NME9: variants seen among roughly 807,000 people sequenced by gnomAD.
The protein encoded by NME9 is NME/NM23 family member 9, also known as thioredoxin domain-containing protein 6.
Under a neutral mutation model 44.4 loss-of-function variants are expected in NME9, and 48 were observed. That is an observed-to-expected ratio of 1.08 (90% CI 0.86 to 1.37). The LOEUF (loss-of-function observed/expected upper bound fraction) is 1.37, where lower values mean the gene tolerates loss of function less well. Among genes scored for constraint, NME9 ranks in the 40% most tolerant of loss-of-function variants. The probability of loss-of-function intolerance (pLI) is 0.00; values close to 1 mark genes in which losing one functional copy is unlikely to be tolerated. For synonymous variants in NME9, 139 were observed against 147.1 expected, an observed-to-expected ratio of 0.94 and a Z score of 0.40; for missense variants, 325 against 405.2, an observed-to-expected ratio of 0.80 and a Z score of 1.70.
chr3:138,305,230 G>A (rs2052158267), intron 8 of NME9, among the ~76,000 whole-genome samples: 1 of 152,144 alleles, frequency 6.6e-6, no homozygotes, highest in African/African-American at 2.4e-5. Context: ...GGGATGGGTG[G>A]TAGTGATGAC....
intron 8 of NME9, among the ~76,000 whole-genome samples, chr3:138,286,598 G>A (rs1018570652): frequency 3.9e-5 from 6 of 152,056 alleles, no homozygotes; most frequent in South Asian, 2.1e-4. Flanking sequence ...ATAGGACCTC[G>A]TAGGGAGCTT....
At chr3:138,322,381 T>A (rs1387198162) in intron 2 of NME9, among the ~76,000 whole-genome samples, 4 of 9,740 alleles carry the variant, frequency 4.1e-4, no homozygotes, top group South Asian at 3.7e-3. Context: ...GGGTGGGGGG[T>A]AGGGGGTGGG....
At chr3:138,316,569 T>A (rs2053095961) in intron 4 of NME9, among the ~76,000 whole-genome samples, 1 of 152,216 alleles carries the variant, frequency 6.6e-6, no homozygotes, top group Non-Finnish European at 1.5e-5. Context: ...GTATTTGGGA[T>A]GAACCTGAGT....
rs1049558946 is a variant in NME9, at chr3:138,305,919, T to C, written c.636+85A>G. ...TTTTGGTTCTTCATAATTTCTTCTGTCACAAACTGATATCAATCTATAAGC... is the reference window on the plus strand; with the variant it reads ...TTTTGGTTCTTCATAATTTCTTCTGCCACAAACTGATATCAATCTATAAGC... On this transcript the variant is annotated intron_variant, in intron 8 of 10. Coordinates refer to ENST00000333911, the MANE Select transcript of NME9 (RefSeq NM_001349018.2). 16 of 932,644 alleles carry C rather than the reference T, an allele frequency of 1.7e-5. No individual in the cohort carries two copies. In the South Asian group the frequency reaches 2.2e-4, roughly 13 times the overall value. The allele number at this position is 932,644 out of a possible 1,614,324, so 57.8% of individuals were successfully genotyped here.
intron 8 of NME9, among the ~76,000 whole-genome samples, chr3:138,283,404 C>T (rs1477372516): frequency 6.6e-6 from 1 of 152,224 alleles, no homozygotes; most frequent in Non-Finnish European, 1.5e-5. Flanking sequence ...TGTGTCACTT[C>T]CTCCGGGAAG....
At chr3:138,327,639 C>A (rs909549214) in intron 1 of NME9, among the ~76,000 whole-genome samples, 4 of 152,112 alleles carry the variant, frequency 2.6e-5, no homozygotes, top group Non-Finnish European at 1.5e-5. Context: ...CCTGAATAAC[C>A]TTGCTGAGAG....
downstream of NME9, chr3:138,297,624 CA>C (rs1184814843): frequency 1.3e-5 from 2 of 152,130 alleles, no homozygotes; most frequent in Non-Finnish European, 2.9e-5. Context: ...CATGACCACC[CA>C]AGATTCAAAC....
intron 8 of NME9, among the ~76,000 whole-genome samples, chr3:138,269,532 GT>G (rs1416878334): frequency 3.9e-5 from 6 of 152,174 alleles, no homozygotes; most frequent in Non-Finnish European, 8.8e-5. Context: ...TCTGCAGCAT[GT>G]TTGGAATAAG....
intron 8 of NME9, among the ~76,000 whole-genome samples, chr3:138,289,451 A>G (rs1410818636): frequency 6.6e-6 from 1 of 152,204 alleles, no homozygotes; most frequent in Non-Finnish European, 1.5e-5. Flanking sequence ...GGGTGGGAGG[A>G]TGAGCCTTTC....
intron 3 of NME9, 64 bp downstream of exon 3, chr3:138,319,414 C>T (rs2053317169): frequency 1.0e-6 from 1 of 955,512 alleles, no homozygotes; most frequent in South Asian, 1.4e-5. Context: ...TCCTTCCTGA[C>T]TCTTTTAAAT....
chr3:138,288,635 C>CTTT (rs547726493), intron 8 of NME9, among the ~76,000 whole-genome samples: 20 of 109,680 alleles, frequency 1.8e-4, no homozygotes, highest in East Asian at 9.1e-4. Context: ...CTTCTTCAGA[C>CTTT]TTTTTTTTTT....
At chr3:138,280,743 C>T (rs1251066751) in intron 8 of NME9, among the ~76,000 whole-genome samples, 1 of 152,108 alleles carries the variant, frequency 6.6e-6, no homozygotes, top group Admixed American at 6.5e-5. Context: ...CCACCCACCT[C>T]GGCCTCCCAC....
intron 8 of NME9, among the ~76,000 whole-genome samples, chr3:138,266,232 G>A (rs2048272377): frequency 6.6e-6 from 1 of 151,982 alleles, no homozygotes; most frequent in Non-Finnish European, 1.5e-5. Flanking sequence ...AGATCCTTTT[G>A]CTTCCTGAAC....
rs371471881 is a variant in NME9, at chr3:138,284,576, C to A, written c.745+18931G>T. On this transcript the variant is annotated intron_variant, in intron 8 of 8. Coordinates refer to the NME9 transcript ENST00000317876. ...TAGGATTAGAATGCAGGGACTGTTG[C>A]ATTTTTAACTCAAAATAAATTGTGC... The A allele has an allele frequency of 1.6e-5, 21 of 1,314,206 alleles. No homozygotes were observed. In the African/African-American group the frequency reaches 2.9e-4, roughly 18 times the overall value. 81.4% of individuals were successfully genotyped at this position (1,314,206 alleles called of 1,614,324 possible).
At chr3:138,318,271 C>T (rs1341877495) in intron 3 of NME9, 52 bp from the exon 4 acceptor site, 4 of 1,196,846 alleles carry the variant, frequency 3.3e-6, no homozygotes, top group Non-Finnish European at 5.0e-6. Flanking sequence ...GTGCAGGGCC[C>T]AATTGATTGG....
chr3:138,329,531 G>A lies in NME9; in HGVS notation c.-196C>T. The A allele has an allele frequency of 4.4e-6, 6 of 1,374,642 alleles. No homozygotes were observed. Among genetic ancestry groups the A allele is most frequent in the East Asian group, 5.7e-5 (2 of 34,962 alleles). 85.2% of individuals were successfully genotyped at this position (1,374,642 alleles called of 1,614,324 possible). A position where few individuals can be genotyped will look rare whatever the true frequency, so the allele number is the denominator to read the frequency against. On this transcript the variant is annotated 5_prime_UTR_variant, in exon 1 of 11. Coordinates refer to ENST00000333911, the MANE Select transcript of NME9 (RefSeq NM_001349018.2). ...CACTGATACAAAGTGAACACCCCGC[G>A]AGGAAGCGGAGCCTGCAGTCCACGG...
chr3:138,318,471 G>A (rs550068719), intron 3 of NME9, among the ~76,000 whole-genome samples: 2 of 152,158 alleles, frequency 1.3e-5, no homozygotes, highest in South Asian at 4.2e-4. Context: ...CAGTCCAAGG[G>A]AGCGTTACTG....
At chr3:138,308,888 T>C (rs1420626629) in intron 6 of NME9, among the ~76,000 whole-genome samples, 1 of 140,022 alleles carries the variant, frequency 7.1e-6, no homozygotes, top group African/African-American at 2.7e-5. Context: ...AACAGGCTTC[T>C]CAATAGAAAC....
chr3:138,292,508 C>G (rs917083634), intron 8 of NME9, among the ~76,000 whole-genome samples: 3 of 152,128 alleles, frequency 2.0e-5, no homozygotes, highest in Admixed American at 2.0e-4. Context: ...AGGATTTAAT[C>G]TGAAGATAAG....
Sources: allele counts gnomAD v4.1 joint callset (sites outside exome capture counted in the v4.1 genomes callset), GRCh38; gene constraint gnomAD v4.1.1; transcripts MANE v1.5; gene names NCBI Gene and HGNC (gene_info 2026-07-23, HGNC 2026-07-21).